Variants in DCC observed in about 807,000 individuals in gnomAD.
The protein encoded by DCC is DCC netrin 1 receptor.
DCC carries 58 observed loss-of-function variants against 172.5 expected under a neutral mutation model. That is an observed-to-expected ratio of 0.34 (90% CI 0.27 to 0.42). DCC has a LOEUF of 0.42. DCC is among the 10% of genes least tolerant of loss of function. The probability of loss-of-function intolerance (pLI) is 1.00; values close to 1 mark genes in which losing one functional copy is unlikely to be tolerated. For synonymous variants in DCC, 709 were observed against 644.5 expected, an observed-to-expected ratio of 1.10 and a Z score of -1.52; for missense variants, 1,740 against 1,791.0, an observed-to-expected ratio of 0.97 and a Z score of 0.51.
At chr18:52,878,487 C>T (rs1244850303) in intron 2 of DCC, among the ~76,000 whole-genome samples, 1 of 152,144 alleles carries the variant, frequency 6.6e-6, no homozygotes, top group South Asian at 2.1e-4. Flanking sequence ...CCAAGGTATC[C>T]TCATATTTAG....
chr18:53,502,372 A>G (rs1345610647), intron 27 of DCC, among the ~76,000 whole-genome samples: 1 of 152,146 alleles, frequency 6.6e-6, no homozygotes, highest in Non-Finnish European at 1.5e-5. Flanking sequence ...ATGATTTTCA[A>G]ATAAGTTCTT....
rs1447017796 is a variant in DCC, at chr18:52,799,911, GTTC to G, written c.412+47541_412+47543del. 3.3e-5 allele frequency among the ~76,000 whole-genome samples: 5 copies of G among 152,240 alleles called. No individual in the cohort carries two copies. The East Asian group carries it at 9.7e-4, about 29-fold the overall frequency. On this transcript the variant is annotated intron_variant, in intron 2 of 28. Transcript: ENST00000442544. ...GGTGTGGATATTTTAAGCTCTAATTGTTCTTCAGTTACATCATTTTTTCCACTT... is the reference window on the plus strand; with the variant it reads ...GGTGTGGATATTTTAAGCTCTAATTGTTCAGTTACATCATTTTTTCCACTT...
intron 5 of DCC, among the ~76,000 whole-genome samples, chr18:52,984,104 T>A (rs2041254074): frequency 6.6e-6 from 1 of 152,152 alleles, no homozygotes; most frequent in South Asian, 2.1e-4. Flanking sequence ...ATGTCTCAAA[T>A]GTCTATAAAT....
intron 5 of DCC, among the ~76,000 whole-genome samples, chr18:53,050,770 T>A (rs531905106): frequency 7.2e-5 from 11 of 152,252 alleles, no homozygotes; most frequent in Non-Finnish European, 1.6e-4. Flanking sequence ...TTTTATTTTA[T>A]CCTTCTACCC....
At chr18:52,399,531 G>T (rs1986358032) in intron 1 of DCC, among the ~76,000 whole-genome samples, 1 of 151,858 alleles carries the variant, frequency 6.6e-6, no homozygotes, top group African/African-American at 2.4e-5. Flanking sequence ...TTATGATCCA[G>T]TGTTGCTGAT....
chr18:52,905,254 C>A (rs2039864263), intron 2 of DCC, among the ~76,000 whole-genome samples: 2 of 151,890 alleles, frequency 1.3e-5, no homozygotes, highest in African/African-American at 4.8e-5. Context: ...TTATATTGGT[C>A]ATTCATATGA....
chr18:52,533,072 A>C (rs2032196666), intron 1 of DCC, among the ~76,000 whole-genome samples: 1 of 152,142 alleles, frequency 6.6e-6, no homozygotes, highest in South Asian at 2.1e-4. Context: ...ATTTGCTAGA[A>C]GTTTTTATTG....
chr18:52,570,886 T>A (rs1289994945), intron 1 of DCC, among the ~76,000 whole-genome samples: 1 of 152,164 alleles, frequency 6.6e-6, no homozygotes, highest in Non-Finnish European at 1.5e-5. Flanking sequence ...GTTTTATTAA[T>A]TTTTTTGGTC....
At chr18:52,990,958 C>T (rs1281785675) in intron 5 of DCC, among the ~76,000 whole-genome samples, 1 of 152,044 alleles carries the variant, frequency 6.6e-6, no homozygotes, top group Non-Finnish European at 1.5e-5. Flanking sequence ...TATTAATTTT[C>T]CTAGTTTATT....
At chr18:53,118,571 T>C (rs2043439757) in intron 7 of DCC, among the ~76,000 whole-genome samples, 1 of 151,830 alleles carries the variant, frequency 6.6e-6, no homozygotes, top group Non-Finnish European at 1.5e-5. Flanking sequence ...TTACTAATTC[T>C]GAGTATATAA....
intron 15 of DCC, among the ~76,000 whole-genome samples, chr18:53,346,069 C>G (rs1195032004): frequency 6.6e-6 from 1 of 152,112 alleles, no homozygotes; most frequent in African/African-American, 2.4e-5. Flanking sequence ...TCATGGCTCA[C>G]TGCAGCCTTG....
At chr18:53,380,356 C>T (rs538834932) in intron 15 of DCC, among the ~76,000 whole-genome samples, 2 of 152,294 alleles carry the variant, frequency 1.3e-5, no homozygotes, top group African/African-American at 4.8e-5. Context: ...AAGCATCTTT[C>T]CTCTTCCATA....
At chr18:52,495,718 G>T (rs1343478171) in intron 1 of DCC, among the ~76,000 whole-genome samples, 2 of 151,794 alleles carry the variant, frequency 1.3e-5, no homozygotes, top group East Asian at 1.9e-4. Context: ...AGCTGTAAAG[G>T]CTTTGAATTC....
Position 52,927,106 on chromosome 18 carries a change from C to CGTGTATATAT in DCC, c.985+1736_985+1737insGTGTATATAT, listed in dbSNP as rs1568192031. On this transcript the variant is annotated intron_variant, in intron 5 of 28. Transcript: ENST00000442544. ...ATATACACGTATATACGTGTATATA[C>CGTGTATATAT]ACGTATATACGTGTATATACACGTA... 1.7e-4 allele frequency among the ~76,000 whole-genome samples: 7 copies of CGTGTATATAT among 42,162 alleles called. 1 individual carries two copies. The highest frequency in any genetic ancestry group is 4.3e-4 in the Non-Finnish European group (7 of 16,216). The allele number at this position is 42,162 out of a possible 152,430, so 27.7% of individuals were successfully genotyped here. A position where few individuals can be genotyped will look rare whatever the true frequency, so the allele number is the denominator to read the frequency against.
intron 1 of DCC, among the ~76,000 whole-genome samples, chr18:52,555,765 T>C (rs2032899256): frequency 6.6e-6 from 1 of 152,182 alleles, no homozygotes; most frequent in Admixed American, 6.6e-5. Context: ...TAGCATCTGA[T>C]TTCGATTCAT....
At chr18:52,367,048 C>G (rs1984899637) in intron 1 of DCC, among the ~76,000 whole-genome samples, 1 of 152,202 alleles carries the variant, frequency 6.6e-6, no homozygotes, top group African/African-American at 2.4e-5. Flanking sequence ...AGCCCTGCCC[C>G]GCGGGAAGGC....
At chr18:53,184,559 C>T (rs1379097616) in intron 9 of DCC, among the ~76,000 whole-genome samples, 1 of 152,078 alleles carries the variant, frequency 6.6e-6, no homozygotes, top group Non-Finnish European at 1.5e-5. Flanking sequence ...ACCTGTATAG[C>T]ATGTGACGGT....
At chr18:53,222,821 C>T (rs2055963902) in intron 12 of DCC, among the ~76,000 whole-genome samples, 1 of 152,004 alleles carries the variant, frequency 6.6e-6, no homozygotes, top group Non-Finnish European at 1.5e-5. Context: ...GTTTTTTCTA[C>T]AAAAACATTT....
chr18:52,461,453 A>C (rs1006028650), intron 1 of DCC, among the ~76,000 whole-genome samples: 1 of 152,250 alleles, frequency 6.6e-6, no homozygotes, highest in East Asian at 1.9e-4. Flanking sequence ...TACATGAACC[A>C]GTAATGCAGT....
Sources: allele counts gnomAD v4.1 joint callset (sites outside exome capture counted in the v4.1 genomes callset), GRCh38; gene constraint gnomAD v4.1.1; transcripts MANE v1.5; gene names NCBI Gene and HGNC (gene_info 2026-07-23, HGNC 2026-07-21).